The following EFCAB12 variants were observed in gnomAD, a reference collection of about 807,000 sequenced individuals.
The protein encoded by EFCAB12 is EF-hand calcium-binding domain-containing protein 12.
In EFCAB12, 43 loss-of-function variants were observed where a neutral mutation model predicts 53.6. That is an observed-to-expected ratio of 0.80 (90% CI 0.63 to 1.03). The LOEUF (loss-of-function observed/expected upper bound fraction) is 1.03. Among genes scored for constraint, EFCAB12 ranks in the 50% least tolerant of loss-of-function variants. The pLI is 0.00. For missense variants in EFCAB12, 646 were observed against 730.6 expected (o/e 0.88, Z 1.34); for synonymous variants, 269 against 289.2 (o/e 0.93, Z 0.71).
chr3:129,402,655 G>A, intron 7 of EFCAB12, 76 bp from the exon 8 acceptor site: 1 of 1,422,138 alleles, frequency 7.0e-7, no homozygotes, highest in Non-Finnish European at 9.6e-7. Flanking sequence ...GTAGGTCAGG[G>A]CCGCAGGGGT....
rs1181879890 is a variant in EFCAB12, at chr3:129,428,446, G to A, written c.43C>T (p.Leu15=). ...GCTTCTTCCCGGGGCTTACCGAGCA[G>A]CGACAAGAACAGACTGTGGTACGCT... ...YEAYHSLFLS[L]LGLCPSKTPI... The change falls in exon 1 of 9, where the codon CTG becomes TTG. Residue 15 remains leucine, a synonymous_variant. Transcript: ENST00000505956. The A allele has an allele frequency of 6.2e-7, 1 of 1,609,718 alleles. No individual in the cohort carries two copies. Among genetic ancestry groups the A allele is most frequent in the South Asian group, 1.1e-5 (1 of 90,052 alleles).
Position 129,411,130 on chromosome 3 carries a change from G to T in EFCAB12, c.1035+28C>A, listed in dbSNP as rs758202337. 8.4e-6 allele frequency: 13 copies of T among 1,546,552 alleles called. No homozygotes were observed. In the Admixed American group the frequency reaches 2.4e-4, roughly 28 times the overall value. On this transcript the variant is annotated intron_variant, in intron 5 of 8. Transcript: ENST00000505956. ...CCCCAGCTGCTCCAGTCCCCAAGCC[G>T]CATGCTCTCCTTGGGCTGGCGAGGT...
chr3:129,427,187 A>G lies in EFCAB12; in HGVS notation c.49+1253T>C, dbSNP rs149713043. Among the ~76,000 whole-genome samples the G allele has an allele frequency of 3.9e-5, 6 of 151,904 alleles. No individual in the cohort carries two copies. The East Asian group carries it at 9.7e-4, about 25-fold the overall frequency. On this transcript the variant is annotated intron_variant, in intron 1 of 8. Coordinates refer to ENST00000505956, the MANE Select transcript of EFCAB12 (RefSeq NM_207307.3). ...AACAATTTTGTAGAGATGGGATCTC[A>G]CTATGTTGCCCAGGCTATTCTCAAA... is the stretch of plus-strand genomic sequence containing the variant.
chr3:129,402,247 CATG>C (rs1268977652), intron 8 of EFCAB12, among the ~76,000 whole-genome samples: 1 of 152,232 alleles, frequency 6.6e-6, no homozygotes, highest in African/African-American at 2.4e-5. Context: ...CGACTCTGAG[CATG>C]ATATTTACCC....
intron 2 of EFCAB12, among the ~76,000 whole-genome samples, chr3:129,418,742 C>T (rs943164375): frequency 5.3e-5 from 8 of 152,148 alleles, no homozygotes; most frequent in Non-Finnish European, 1.0e-4. Context: ...TGCGTAATCC[C>T]ACTGGTCTGG....
chr3:129,426,999 C>T (rs2072281190), intron 1 of EFCAB12, among the ~76,000 whole-genome samples: 1 of 151,628 alleles, frequency 6.6e-6, no homozygotes, highest in African/African-American at 2.4e-5. Flanking sequence ...AGGCGCCTGC[C>T]ACCATGCCCG....
intron 3 of EFCAB12, 32 bp from the exon 4 acceptor site, chr3:129,415,433 GCTC>G (rs2072103470): frequency 6.2e-7 from 1 of 1,610,972 alleles, no homozygotes; most frequent in African/African-American, 1.3e-5. Flanking sequence ...AGACTAGCAG[GCTC>G]CCATCCAAAC....
chr3:129,416,084 T>G (rs1260028069), intron 3 of EFCAB12, among the ~76,000 whole-genome samples: 1 of 152,216 alleles, frequency 6.6e-6, no homozygotes, highest in African/African-American at 2.4e-5. Context: ...TGCCTAGCCT[T>G]GATCAGAACT....
intron 5 of EFCAB12, 103 bp downstream of exon 5, chr3:129,411,055 C>A: frequency 7.6e-7 from 1 of 1,317,330 alleles, no homozygotes; most frequent in Non-Finnish European, 1.0e-6. Context: ...CGAAGACCCC[C>A]CTCCCCAGGG....
intron 1 of EFCAB12, among the ~76,000 whole-genome samples, chr3:129,426,466 GCCATTCTCCTGCCTCAGC>G (rs1414493173): frequency 2.1e-5 from 3 of 143,120 alleles, no homozygotes; most frequent in African/African-American, 7.7e-5. Context: ...CCGGGTTCAC[GCCATTCTCCTGCCTCAGC>G]CTCCCGAGTA....
chr3:129,411,396 G>A (rs771903434), intron 4 of EFCAB12, 42 bp from the exon 5 acceptor site: 5 of 1,524,054 alleles, frequency 3.3e-6, no homozygotes, highest in Middle Eastern at 1.9e-4. Flanking sequence ...GGGACTAAGA[G>A]GGTGCCCAGC....
rs376715876 is a variant in EFCAB12 at position 129,418,297 on chromosome 3, T to C, written c.638A>G (p.Asn213Ser). ...EIFHKVGQGENQRITREEFIA... is the reference protein window; with the variant it reads ...EIFHKVGQGESQRITREEFIA... ...GAACTCCTCCCTGGTGATTCTCTGG[T>C]TCTCACCCTGGCCCACCTTGTGAAA... is the stretch of plus-strand genomic sequence containing the variant. The change falls in exon 3 of 9, where the codon AAC (asparagine) becomes AGC (serine). Residue 213 changes from asparagine (N) to serine (S), a missense_variant. By Grantham distance (46) the Asn-to-Ser change is conservative. Transcript: ENST00000505956. The C allele has an allele frequency of 6.2e-6, 10 of 1,613,156 alleles. No homozygotes were observed. In the African/African-American group the frequency reaches 1.3e-4, roughly 22 times the overall value.
At chr3:129,409,601 A>T (rs941228538) in intron 5 of EFCAB12, among the ~76,000 whole-genome samples, 1 of 151,510 alleles carries the variant, frequency 6.6e-6, no homozygotes, top group Non-Finnish European at 1.5e-5. Context: ...TTTAACAAGG[A>T]AAAAAAAACC....
chr3:129,428,390 G>C (rs749470884), intron 1 of EFCAB12, 50 bp downstream of exon 1: 1 of 1,569,860 alleles, frequency 6.4e-7, no homozygotes, highest in Admixed American at 1.9e-5. Flanking sequence ...ACTTTCACGC[G>C]TCCTTAGGGC....
At chr3:129,426,359 GTTT>G (rs71620055) in intron 1 of EFCAB12, among the ~76,000 whole-genome samples, 5 of 87,812 alleles carry the variant, frequency 5.7e-5, no homozygotes, top group South Asian at 3.9e-4. Context: ...GTTTTTTTTT[GTTT>G]TTTTTTTTTT....
intron 8 of EFCAB12, 53 bp downstream of exon 8, chr3:129,402,470 G>T: frequency 6.3e-7 from 1 of 1,576,424 alleles, no homozygotes; most frequent in Non-Finnish European, 8.6e-7. Flanking sequence ...CTCAGGCGAA[G>T]CTGCCCCTCC....
At position 129,411,140 on chromosome 3, in the gene EFCAB12, C is replaced by T. The variant is rs1237422450; in HGVS notation, c.1035+18G>A. On this transcript the variant is annotated intron_variant, in intron 5 of 8. Transcript: ENST00000505956. The stretch of plus-strand genomic sequence containing the variant: ...TCCAGTCCCCAAGCCGCATGCTCTC[C>T]TTGGGCTGGCGAGGTACCTTGTGCT... The T allele has an allele frequency of 1.3e-6, 2 of 1,553,788 alleles. No individual in the cohort carries two copies. Among genetic ancestry groups the T allele is most frequent in the Non-Finnish European group, 1.7e-6 (2 of 1,150,396 alleles).
At chr3:129,423,095 T>C (rs779959018) in intron 1 of EFCAB12, among the ~76,000 whole-genome samples, 2 of 152,184 alleles carry the variant, frequency 1.3e-5, no homozygotes, top group Non-Finnish European at 2.9e-5. Flanking sequence ...GATAAGGACA[T>C]TGAGGCCTAG....
chr3:129,411,644 A>T (rs1031634936), intron 4 of EFCAB12: 6 of 295,628 alleles, frequency 2.0e-5, no homozygotes, highest in Non-Finnish European at 3.8e-5. Flanking sequence ...TTTAAAAAAT[A>T]TAGAGTATAG....
Sources: gnomAD v4.1 joint callset for allele counts (sites outside exome capture counted in the v4.1 genomes callset) on GRCh38, gnomAD v4.1.1 for gene constraint, MANE v1.5 for transcripts, NCBI Gene and HGNC (gene_info 2026-07-23, HGNC 2026-07-21) for gene names.